Variants in NCALD observed in about 807,000 individuals in gnomAD.
NCALD encodes neurocalcin delta, also known as neurocalcin-delta.
In NCALD, 10 loss-of-function variants were observed where a neutral mutation model predicts 18.6. That is an observed-to-expected ratio of 0.54 (90% CI 0.33 to 0.91). The LOEUF (loss-of-function observed/expected upper bound fraction) is 0.91, where lower values mean the gene tolerates loss of function less well. Among genes scored for constraint, NCALD ranks in the 40% least tolerant of loss-of-function variants. The probability of loss-of-function intolerance (pLI) is 0.03; values close to 1 mark genes in which losing one functional copy is unlikely to be tolerated. For missense variants in NCALD, 184 were observed against 247.6 expected, an observed-to-expected ratio of 0.74 and a Z score of 1.72; for synonymous variants, 88 against 87.4, an observed-to-expected ratio of 1.01 and a Z score of -0.04.
intron 4 of NCALD, among the ~76,000 whole-genome samples, chr8:101,809,963 T>C (rs1813246095): frequency 6.6e-6 from 1 of 152,238 alleles, no homozygotes; most frequent in African/African-American, 2.4e-5. Flanking sequence ...TATTTCTCTC[T>C]GTTCCAAAGA....
intron 2 of NCALD, among the ~76,000 whole-genome samples, chr8:101,937,914 T>C (rs1818821476): frequency 6.6e-6 from 1 of 152,238 alleles, no homozygotes; most frequent in Admixed American, 6.5e-5. Flanking sequence ...TTGAGAAAGA[T>C]AACTGAAAGC....
At chr8:101,983,358 G>C (rs1820692304) in intron 2 of NCALD, among the ~76,000 whole-genome samples, 1 of 152,134 alleles carries the variant, frequency 6.6e-6, no homozygotes, top group Non-Finnish European at 1.5e-5. Context: ...GCCCTCCCCT[G>C]TTCCCTAACC....
intron 4 of NCALD, among the ~76,000 whole-genome samples, chr8:101,798,868 G>C (rs920213605): frequency 6.6e-6 from 1 of 152,100 alleles, no homozygotes; most frequent in African/African-American, 2.4e-5. Flanking sequence ...TATGACCAAT[G>C]GATTTTTGAC....
chr8:102,111,691 T>C (rs1192433792), intron 1 of NCALD, among the ~76,000 whole-genome samples: 4 of 152,174 alleles, frequency 2.6e-5, no homozygotes, highest in African/African-American at 7.2e-5. Flanking sequence ...ATCTCGGATC[T>C]CTAACTGCAG....
At chr8:102,067,527 G>C (rs1824048905) in intron 1 of NCALD, among the ~76,000 whole-genome samples, 1 of 152,122 alleles carries the variant, frequency 6.6e-6, no homozygotes, top group Non-Finnish European at 1.5e-5. Context: ...TCCAGGAAGA[G>C]AATCTAGTAA....
intron 1 of NCALD, among the ~76,000 whole-genome samples, chr8:102,054,215 A>T (rs1047196413): frequency 1.3e-5 from 2 of 152,190 alleles, no homozygotes; most frequent in Non-Finnish European, 2.9e-5. Context: ...CAAAATGAAT[A>T]GTGTCCCTTG....
intron 3 of NCALD, chr8:101,692,004 C>T (rs1235502995): frequency 1.5e-5 from 15 of 983,608 alleles, no homozygotes; most frequent in Non-Finnish European, 1.8e-5. Context: ...AAATTAAATA[C>T]ATGATGCCCC....
At chr8:102,048,813 G>C (rs1454849191) in intron 1 of NCALD, among the ~76,000 whole-genome samples, 2 of 152,140 alleles carry the variant, frequency 1.3e-5, no homozygotes, top group South Asian at 2.1e-4. Flanking sequence ...GTAAGGAGAG[G>C]TGCCTTGTTT....
At chr8:101,943,568 A>T (rs1431088191) in intron 2 of NCALD, among the ~76,000 whole-genome samples, 4 of 152,204 alleles carry the variant, frequency 2.6e-5, no homozygotes. Flanking sequence ...TCACTCCTGG[A>T]GCAGGGGAGA....
chr8:101,752,236 A>C (rs1429871174), intron 1 of NCALD, among the ~76,000 whole-genome samples: 2 of 152,166 alleles, frequency 1.3e-5, no homozygotes, highest in African/African-American at 4.8e-5. Context: ...AGAAAGCATA[A>C]CTTACATCTG....
intron 4 of NCALD, among the ~76,000 whole-genome samples, chr8:101,885,530 T>C (rs2387335): frequency 0.013 from 1,975 of 152,336 alleles, 21 homozygotes; most frequent in Admixed American, 0.022. Flanking sequence ...GCTTCTTCAC[T>C]GCCCCAAGAG....
intron 2 of NCALD, among the ~76,000 whole-genome samples, chr8:101,938,655 TAAA>T (rs11285546): frequency 4.7e-5 from 7 of 150,006 alleles, no homozygotes; most frequent in African/African-American, 1.7e-4. Context: ...GAAATAATGG[TAAA>T]AAAAAAAACT....
upstream of NCALD, among the ~76,000 whole-genome samples, chr8:101,792,642 G>A (rs767312806): frequency 2.6e-5 from 4 of 152,260 alleles, no homozygotes; most frequent in East Asian, 1.9e-4. Flanking sequence ...TCCAATTATT[G>A]TTCTGCTTTT....
chr8:101,972,022 C>T (rs1820258956), intron 2 of NCALD, among the ~76,000 whole-genome samples: 1 of 152,130 alleles, frequency 6.6e-6, no homozygotes, highest in Admixed American at 6.6e-5. Context: ...ACCTGAACAG[C>T]CTTTCCATGT....
At chr8:102,049,214 T>G (rs1823346255) in intron 1 of NCALD, among the ~76,000 whole-genome samples, 1 of 152,136 alleles carries the variant, frequency 6.6e-6, no homozygotes, top group Admixed American at 6.5e-5. Flanking sequence ...GAAAAAATAG[T>G]CTTTAAGGGA....
intron 3 of NCALD, chr8:101,692,513 G>C (rs1814775563): frequency 1.4e-5 from 14 of 985,296 alleles, no homozygotes; most frequent in African/African-American, 1.7e-5. Flanking sequence ...ATGGTTTCTT[G>C]GTTCCTTTCA....
intron 2 of NCALD, among the ~76,000 whole-genome samples, chr8:101,697,211 C>T (rs1188618581): frequency 6.6e-6 from 1 of 151,914 alleles, no homozygotes; most frequent in Non-Finnish European, 1.5e-5. Context: ...TGTATAAATT[C>T]CTGGACACAT....
intron 1 of NCALD, among the ~76,000 whole-genome samples, chr8:102,026,926 T>C (rs1291821627): frequency 1.3e-5 from 2 of 152,242 alleles, no homozygotes; most frequent in Non-Finnish European, 2.9e-5. Flanking sequence ...ACATGAAAGC[T>C]GCCAAGGCCT....
At chr8:101,945,894 T>C (rs1193341000) in intron 2 of NCALD, among the ~76,000 whole-genome samples, 1 of 152,144 alleles carries the variant, frequency 6.6e-6, no homozygotes. Context: ...TAGAAAAAAG[T>C]TCTCAATGCT....
Sources: gnomAD v4.1 joint callset for allele counts (sites outside exome capture counted in the v4.1 genomes callset) on GRCh38, gnomAD v4.1.1 for gene constraint, MANE v1.5 for transcripts, NCBI Gene and HGNC (gene_info 2026-07-23, HGNC 2026-07-21) for gene names.